Variants in ARHGAP18 observed in about 807,000 individuals in gnomAD.
The protein encoded by ARHGAP18 is Rho GTPase activating protein 18.
Under a neutral mutation model 86.2 loss-of-function variants are expected in ARHGAP18, and 67 were observed. The observed-to-expected ratio is 0.78, with a 90% CI of 0.64 to 0.95. ARHGAP18 has a LOEUF of 0.95. Among genes scored for constraint, ARHGAP18 ranks in the 40% least tolerant of loss-of-function variants. The pLI, the probability that ARHGAP18 is intolerant of heterozygous loss-of-function variation, is 0.00. For missense variants in ARHGAP18, 691 were observed against 780.4 expected (o/e 0.89, Z 1.37); for synonymous variants, 283 against 280.4 (o/e 1.01, Z -0.09).
intron 10 of ARHGAP18, among the ~76,000 whole-genome samples, chr6:129,603,864 C>T (rs767184568): frequency 3.9e-5 from 6 of 152,184 alleles, no homozygotes; most frequent in South Asian, 4.1e-4. Context: ...TAACATGGTG[C>T]CTCCTAACCC....
chr6:129,708,680 C>A (rs1157605182), intron 1 of ARHGAP18, among the ~76,000 whole-genome samples: 1 of 152,186 alleles, frequency 6.6e-6, no homozygotes, highest in Non-Finnish European at 1.5e-5. Context: ...ATGTCCTGAG[C>A]TTGTATAATT....
intron 9 of ARHGAP18, among the ~76,000 whole-genome samples, chr6:129,607,479 C>T (rs1788877880): frequency 6.6e-6 from 1 of 152,114 alleles, no homozygotes; most frequent in Non-Finnish European, 1.5e-5. Context: ...GCTCAGAGAC[C>T]CTACCACTTC....
intron 1 of ARHGAP18, among the ~76,000 whole-genome samples, chr6:129,678,240 GAAAT>G (rs1399423068): frequency 6.6e-6 from 1 of 152,146 alleles, no homozygotes; most frequent in Non-Finnish European, 1.5e-5. Flanking sequence ...CACAAAACAT[GAAAT>G]AAAATTCCCC....
intron 5 of ARHGAP18, among the ~76,000 whole-genome samples, chr6:129,626,698 CAG>C (rs1491040494): frequency 1.4e-5 from 2 of 140,694 alleles, no homozygotes; most frequent in East Asian, 2.0e-4. Context: ...CACACACACA[CAG>C]ACAAATAGAA....
chr6:129,596,940 C>T (rs1322654932), intron 12 of ARHGAP18: 1 of 152,184 alleles, frequency 6.6e-6, no homozygotes, highest in African/African-American at 2.4e-5. Flanking sequence ...TTCAAACTTT[C>T]ACATTAAATG....
chr6:129,679,952 A>G (rs1774296512), intron 1 of ARHGAP18, among the ~76,000 whole-genome samples: 1 of 152,224 alleles, frequency 6.6e-6, no homozygotes, highest in Non-Finnish European at 1.5e-5. Context: ...ATCTGGCAGT[A>G]CCAGCATTTC....
At position 129,708,824 on chromosome 6, in the gene ARHGAP18, T is replaced by C. The variant is rs544478405; in HGVS notation, c.113+1200A>G. ...TGAAAACACTTCAAGATCTCTTGAT[T>C]TAATGATTTAACATTAAGTCATTTA... is the stretch of plus-strand genomic sequence containing the variant. On this transcript the variant is annotated intron_variant, in intron 1 of 14. Transcript: ENST00000368149. Among the ~76,000 whole-genome samples the C allele has an allele frequency of 8.5e-4, 130 of 152,366 alleles. 1 individual carries two copies. The highest frequency in any genetic ancestry group is 3.0e-3 in the African/African-American group (123 of 41,588).
chr6:129,674,353 T>C (rs181011907), intron 1 of ARHGAP18, among the ~76,000 whole-genome samples: 1 of 152,318 alleles, frequency 6.6e-6, no homozygotes, highest in Non-Finnish European at 1.5e-5. Flanking sequence ...AATATGAACA[T>C]GGTATCCGTT....
chr6:129,644,209 G>A (rs9372944), intron 1 of ARHGAP18, among the ~76,000 whole-genome samples: 29,758 of 151,834 alleles, frequency 0.2, 3,303 homozygotes, highest in Non-Finnish European at 0.25. Context: ...TTAATTCAAG[G>A]GGTACTTCCT....
At chr6:129,626,139 T>C (rs1789466432) in intron 5 of ARHGAP18, among the ~76,000 whole-genome samples, 1 of 140,420 alleles carries the variant, frequency 7.1e-6, no homozygotes, top group Admixed American at 7.6e-5. Flanking sequence ...ACAATTCAGA[T>C]GTCCGCCATA....
chr6:129,649,924 T>G lies in ARHGAP18; in HGVS notation c.114-7906A>C, dbSNP rs552718693. ...GTCTTCTTTTTTTTTGTTTTTTTTT[T>G]TTTTGGAGACGGAGTTCCACTCTTG... is the stretch of plus-strand genomic sequence containing the variant. On this transcript the variant is annotated intron_variant, in intron 1 of 14. Coordinates refer to ENST00000368149, the MANE Select transcript of ARHGAP18 (RefSeq NM_033515.3). Among the ~76,000 whole-genome samples the G allele has an allele frequency of 4.0e-5, 6 of 150,692 alleles. 1 individual carries two copies. Among genetic ancestry groups the G allele is most frequent in the Admixed American group, 3.3e-4 (5 of 15,174 alleles).
At chr6:129,696,590 T>TA (rs1394651577) in intron 1 of ARHGAP18, among the ~76,000 whole-genome samples, 1 of 152,202 alleles carries the variant, frequency 6.6e-6, no homozygotes, top group Non-Finnish European at 1.5e-5. Context: ...TGAGTTCTAT[T>TA]ATATATGGGG....
chr6:129,649,919 T>G (rs1282627690), intron 1 of ARHGAP18, among the ~76,000 whole-genome samples: 1 of 150,158 alleles, frequency 6.7e-6, no homozygotes, highest in African/African-American at 2.4e-5. Flanking sequence ...TTTTTGTTTT[T>G]TTTTTTTTTG....
At chr6:129,651,696 T>C (rs1264072723) in intron 1 of ARHGAP18, among the ~76,000 whole-genome samples, 4 of 152,134 alleles carry the variant, frequency 2.6e-5, no homozygotes, top group Non-Finnish European at 5.9e-5. Flanking sequence ...CCTTCTTCAG[T>C]AAGAATTTCA....
At chr6:129,609,782 GATCAGAATAT>G (rs1353039268) in intron 8 of ARHGAP18, among the ~76,000 whole-genome samples, 1 of 152,070 alleles carries the variant, frequency 6.6e-6, no homozygotes, top group East Asian at 1.9e-4. Context: ...GGAAAATTAT[GATCAGAATAT>G]ATCAGGTTAC....
Position 129,589,918 on chromosome 6 carries a change from G to A in ARHGAP18, c.1714-5806C>T, listed in dbSNP as rs527392210. 7.9e-5 allele frequency among the ~76,000 whole-genome samples: 12 copies of A among 152,266 alleles called. No individual in the cohort carries two copies. In the South Asian group the frequency reaches 8.3e-4, roughly 11 times the overall value. On this transcript the variant is annotated intron_variant, in intron 12 of 14. Coordinates refer to ENST00000368149, the MANE Select transcript of ARHGAP18 (RefSeq NM_033515.3). Reference sequence around the variant, plus strand: ...TGTGGCTGAAGGTCAGACAGCCCCTGGTAAACCATTGGTGTAAGTCCAAGG... The same window carrying A: ...TGTGGCTGAAGGTCAGACAGCCCCTAGTAAACCATTGGTGTAAGTCCAAGG...
In ARHGAP18 at chr6:129,676,912, CCTCTTTTTTTTTTTTTT is replaced by C. The variant is rs1165070253; in HGVS notation, c.113+33095_113+33111del. ...TGAAAACAGATGAAAAATTTTTTGT[CCTCTTTTTTTTTTTTTT>C]TTTTTTTTTTTTTTTTTTTAAGGAA... On this transcript the variant is annotated intron_variant, in intron 1 of 14. Coordinates refer to ENST00000368149, the MANE Select transcript of ARHGAP18 (RefSeq NM_033515.3). 1.5e-4 allele frequency among the ~76,000 whole-genome samples: 16 copies of C among 103,880 alleles called. No homozygotes were observed. The South Asian group carries it at 2.2e-3, about 14-fold the overall frequency. 68.1% of individuals were successfully genotyped at this position (103,880 alleles called of 152,430 possible).
At position 129,584,023 on chromosome 6, in the gene ARHGAP18, G is replaced by A. The variant is rs746996203; in HGVS notation, c.1803C>T (p.Ala601=). 15 of 1,613,560 alleles carry A rather than the reference G, an allele frequency of 9.3e-6. No individual in the cohort carries two copies. In the Admixed American group the frequency reaches 2.5e-4, roughly 27 times the overall value. ...MAIQLTEELK[A]SDVLARFLSQ... is the part of the protein sequence containing the mutation. ...TGAGAAACCTGGCAAGTACATCACTGGCTTTTAGTTCTTCAGTTAGCTGTA... is the reference window on the plus strand; with the variant it reads ...TGAGAAACCTGGCAAGTACATCACTAGCTTTTAGTTCTTCAGTTAGCTGTA... Residue 601 remains alanine, a synonymous_variant, in exon 13 of 15, where the codon GCC becomes GCT. Coordinates refer to ENST00000368149, the MANE Select transcript of ARHGAP18 (RefSeq NM_033515.3).
At chr6:129,671,556 C>T (rs1162686575) in intron 1 of ARHGAP18, among the ~76,000 whole-genome samples, 2 of 151,802 alleles carry the variant, frequency 1.3e-5, no homozygotes, top group Non-Finnish European at 2.9e-5. Flanking sequence ...TAAAAATTAC[C>T]CAGGTGCAGT....
Sources: gnomAD v4.1 joint callset for allele counts (sites outside exome capture counted in the v4.1 genomes callset) on GRCh38, gnomAD v4.1.1 for gene constraint, MANE v1.5 for transcripts, NCBI Gene and HGNC (gene_info 2026-07-23, HGNC 2026-07-21) for gene names.